Variants in PLXNA4 observed in about 807,000 individuals in gnomAD.
The protein encoded by PLXNA4 is plexin A4, also known as plexin-A4.
PLXNA4 carries 44 observed loss-of-function variants against 191.8 expected under a neutral mutation model. That is an observed-to-expected ratio of 0.23 (90% CI 0.18 to 0.29). The LOEUF (loss-of-function observed/expected upper bound fraction) is 0.29. PLXNA4 is among the 10% of genes least tolerant of loss of function. The pLI is 1.00. For missense variants in PLXNA4, 1,800 were observed against 2,488.8 expected (o/e 0.72, Z 5.89); for synonymous variants, 1,082 against 1,009.5 (o/e 1.07, Z -1.36).
At chr7:132,166,020 A>G (rs1022463113) in intron 22 of PLXNA4, among the ~76,000 whole-genome samples, 3 of 152,094 alleles carry the variant, frequency 2.0e-5, no homozygotes, top group African/African-American at 7.2e-5. Flanking sequence ...AACATGGTGA[A>G]ACCCCCTCTC....
chr7:132,371,158 T>C (rs539000707), intron 3 of PLXNA4, among the ~76,000 whole-genome samples: 1 of 149,898 alleles, frequency 6.7e-6, no homozygotes, highest in South Asian at 2.1e-4. Context: ...GAGAGGGAAA[T>C]GGGGGTGGGG....
At chr7:132,473,553 T>G (rs967444389) in intron 3 of PLXNA4, among the ~76,000 whole-genome samples, 14 of 152,268 alleles carry the variant, frequency 9.2e-5, no homozygotes, top group African/African-American at 3.1e-4. Context: ...TAAATACATT[T>G]CTAAATGTCA....
intron 2 of PLXNA4, among the ~76,000 whole-genome samples, chr7:132,589,815 A>G (rs1035564993): frequency 1.3e-5 from 2 of 152,188 alleles, no homozygotes; most frequent in African/African-American, 2.4e-5. Context: ...TGAAGAGTGG[A>G]GATACACTGC....
At chr7:132,203,500 G>C in intron 10 of PLXNA4, 81 bp from the exon 11 acceptor site, 1 of 1,208,608 alleles carries the variant, frequency 8.3e-7, no homozygotes, top group Non-Finnish European at 1.2e-6. Flanking sequence ...TCAGCCTACG[G>C]CCGTTAAGAG....
rs562522335 is a variant in PLXNA4 at position 132,419,192 on chromosome 7, G to A, written c.1371+70100C>T. 5.9e-5 allele frequency among the ~76,000 whole-genome samples: 9 copies of A among 152,324 alleles called. No homozygotes were observed. The South Asian group carries it at 1.9e-3, about 32-fold the overall frequency. On this transcript the variant is annotated intron_variant, in intron 3 of 31. Transcript: ENST00000321063. Reference sequence around the variant, plus strand: ...CTTTAAGTGGGAGAAAATTGGGCGAGAACAAGGAAAGGTTTCTACCTGGGG... The same window carrying A: ...CTTTAAGTGGGAGAAAATTGGGCGAAAACAAGGAAAGGTTTCTACCTGGGG...
intron 2 of PLXNA4, among the ~76,000 whole-genome samples, chr7:132,598,805 A>T (rs1802764110): frequency 6.6e-6 from 1 of 152,192 alleles, no homozygotes; most frequent in South Asian, 2.1e-4. Context: ...TAAATAAAAT[A>T]CTTTTCTCCT....
At chr7:132,187,004 A>C (rs1796900906) in intron 15 of PLXNA4, among the ~76,000 whole-genome samples, 1 of 152,164 alleles carries the variant, frequency 6.6e-6, no homozygotes, top group Non-Finnish European at 1.5e-5. Context: ...ACTGTTTGAG[A>C]TACTTTTCAG....
At chr7:132,436,380 C>T (rs1795469538) in intron 3 of PLXNA4, among the ~76,000 whole-genome samples, 1 of 152,150 alleles carries the variant, frequency 6.6e-6, no homozygotes, top group South Asian at 2.1e-4. Context: ...AACACCATGC[C>T]ACTATCCAGG....
intron 2 of PLXNA4, among the ~76,000 whole-genome samples, chr7:132,495,133 C>T (rs113043722): frequency 0.02 from 3,014 of 152,328 alleles, 38 homozygotes; most frequent in South Asian, 0.029. Flanking sequence ...CAAATCCTCC[C>T]CTGACCCCAG....
chr7:132,136,795 G>A (rs1795127286), intron 30 of PLXNA4, among the ~76,000 whole-genome samples: 2 of 152,164 alleles, frequency 1.3e-5, no homozygotes, highest in South Asian at 2.1e-4. Flanking sequence ...CACACACCTC[G>A]AGGATGAAGA....
intron 2 of PLXNA4, among the ~76,000 whole-genome samples, chr7:132,591,396 A>G (rs1224204734): frequency 6.6e-6 from 1 of 152,238 alleles, no homozygotes; most frequent in Non-Finnish European, 1.5e-5. Context: ...CAGGCTGTGA[A>G]GAGCACAAAT....
Position 132,438,219 on chromosome 7 carries a change from T to G in PLXNA4, c.1371+51073A>C, listed in dbSNP as rs1034203038. On this transcript the variant is annotated intron_variant, in intron 3 of 31. Coordinates refer to ENST00000321063, the MANE Select transcript of PLXNA4 (RefSeq NM_020911.2). ...CACAGATTCTGGTTAAAATACCAGC[T>G]TTAGAGTATATGACCACTTAGAGCT... 3.9e-5 allele frequency among the ~76,000 whole-genome samples: 6 copies of G among 152,212 alleles called. No individual in the cohort carries two copies. The South Asian group carries it at 1.2e-3, about 32-fold the overall frequency.
intron 14 of PLXNA4, among the ~76,000 whole-genome samples, chr7:132,190,558 C>A (rs1797052932): frequency 6.6e-6 from 1 of 152,192 alleles, no homozygotes; most frequent in African/African-American, 2.4e-5. Flanking sequence ...GGTCACCCCA[C>A]CCCAGGAGAC....
chr7:132,334,672 G>A (rs1246764507), intron 3 of PLXNA4, among the ~76,000 whole-genome samples: 3 of 152,154 alleles, frequency 2.0e-5, no homozygotes, highest in East Asian at 1.9e-4. Context: ...GAATCAGGAC[G>A]GAACTTCATG....
rs188521895 is a variant in PLXNA4 at position 132,621,069 on chromosome 7, G to C, written c.-87+24859C>G. On this transcript the variant is annotated intron_variant, in intron 2 of 4. Coordinates refer to the PLXNA4 transcript ENST00000378539. ...CTCATGAGTAAATCACATCCCAAAGGCCCTACCAACAAATACCATCACACT... is the reference window on the plus strand; with the variant it reads ...CTCATGAGTAAATCACATCCCAAAGCCCCTACCAACAAATACCATCACACT... Among the ~76,000 whole-genome samples, 100 of 151,992 alleles carry C rather than the reference G, an allele frequency of 6.6e-4. 1 individual carries two copies. Among genetic ancestry groups the C allele is most frequent in the African/African-American group, 2.2e-3 (91 of 41,420 alleles).
At chr7:132,518,708 C>A (rs1041707387) in intron 1 of PLXNA4, among the ~76,000 whole-genome samples, 1 of 152,198 alleles carries the variant, frequency 6.6e-6, no homozygotes, top group Non-Finnish European at 1.5e-5. Context: ...GAAGTGATTA[C>A]CATGGACAGA....
intron 3 of PLXNA4, among the ~76,000 whole-genome samples, chr7:132,340,093 TCTC>T (rs1563044988): frequency 3.9e-5 from 6 of 152,182 alleles, no homozygotes; most frequent in African/African-American, 1.4e-4. Context: ...ATTCTCTAGG[TCTC>T]ATTCACAATC....
intron 3 of PLXNA4, among the ~76,000 whole-genome samples, chr7:132,350,894 T>C (rs1803458585): frequency 6.6e-6 from 1 of 152,120 alleles, no homozygotes; most frequent in Non-Finnish European, 1.5e-5. Context: ...CAAAAGTCCA[T>C]CAGATAAAGA....
intron 3 of PLXNA4, among the ~76,000 whole-genome samples, chr7:132,460,845 T>C (rs1796478928): frequency 1.3e-5 from 2 of 152,070 alleles, no homozygotes. Flanking sequence ...GTTCACACTA[T>C]TCTCTCTTAG....
Sources: allele counts gnomAD v4.1 joint callset (sites outside exome capture counted in the v4.1 genomes callset), GRCh38; gene constraint gnomAD v4.1.1; transcripts MANE v1.5; gene names NCBI Gene and HGNC (gene_info 2026-07-23, HGNC 2026-07-21).